Variants in PAK2 observed in about 807,000 individuals in gnomAD.
The protein encoded by PAK2 is serine/threonine-protein kinase PAK 2.
PAK2 carries 21 observed loss-of-function variants against 65.9 expected under a neutral mutation model. The ratio of observed to expected loss-of-function variants is 0.32; its 90% CI spans 0.23 to 0.46. PAK2 has a LOEUF of 0.46. Ranked by LOEUF, PAK2 falls within the 20% of genes least tolerant of loss-of-function variation. The pLI, the probability that PAK2 is intolerant of heterozygous loss-of-function variation, is 1.00. For missense variants in PAK2, 324 were observed against 642.6 expected (o/e 0.50, Z 5.36); for synonymous variants, 204 against 219.7 (o/e 0.93, Z 0.63).
chr3:196,810,787 T>G lies in PAK2; in HGVS notation c.773+134T>G. 7.0e-6 allele frequency: 4 copies of G among 569,662 alleles called. No homozygotes were observed. In the South Asian group the frequency reaches 9.7e-5, roughly 14 times the overall value. The allele number at this position is 569,662 out of a possible 1,614,324, so 35.3% of individuals were successfully genotyped here. On this transcript the variant is annotated intron_variant, in intron 8 of 14. Transcript: ENST00000327134. ...GTGAGTGGTACCCTTGGGGGATTTG[T>G]GTAAATAAATAATGCAGTTATTTGT...
chr3:196,759,489 GTTTTTTTTGTTTTT>G (rs1713877993), intron 1 of PAK2, among the ~76,000 whole-genome samples: 1 of 98,852 alleles, frequency 1.0e-5, no homozygotes, highest in African/African-American at 4.3e-5. Context: ...CAGTTAAGTG[GTTTTTTTTGTTTTT>G]TTTTTTTTTT....
intron 7 of PAK2, 122 bp from the exon 8 acceptor site, chr3:196,810,467 AC>A (rs1347063986): frequency 6.6e-5 from 45 of 679,620 alleles, no homozygotes; most frequent in Non-Finnish European, 1.1e-4. Flanking sequence ...TATTTTTGGA[AC>A]TTAGTATTAT....
At position 196,814,582 on chromosome 3, in the gene PAK2, CT is replaced by C; in HGVS notation, c.1053+16del. On this transcript the variant is annotated intron_variant, in intron 11 of 14. Coordinates refer to ENST00000327134, the MANE Select transcript of PAK2 (RefSeq NM_002577.4). Reference sequence around the variant, plus strand: ...GTATGCAGAGAGGTAGGTTTGCCTCCTTCTTGATATGTTATGGTGATATGTG... The same window carrying C: ...GTATGCAGAGAGGTAGGTTTGCCTCCTCTTGATATGTTATGGTGATATGTG... 1 of 1,009,312 alleles carries C rather than the reference CT, an allele frequency of 9.9e-7. No individual in the cohort carries two copies. The allele number at this position is 1,009,312 out of a possible 1,614,324, so 62.5% of individuals were successfully genotyped here. A position where few individuals can be genotyped will look rare whatever the true frequency, so the allele number is the denominator to read the frequency against.
intron 1 of PAK2, among the ~76,000 whole-genome samples, chr3:196,764,737 TC>T (rs1402023777): frequency 6.6e-6 from 1 of 151,978 alleles, no homozygotes; most frequent in Non-Finnish European, 1.5e-5. Flanking sequence ...CAGGCTGGTC[TC>T]TAACTAGTGG....
At chr3:196,759,846 G>A (rs1220843374) in intron 1 of PAK2, among the ~76,000 whole-genome samples, 1 of 151,956 alleles carries the variant, frequency 6.6e-6, no homozygotes, top group Non-Finnish European at 1.5e-5. Context: ...TTTTTTAAGT[G>A]TGCTCACAAA....
chr3:196,790,015 C>T (rs190271707), intron 2 of PAK2, among the ~76,000 whole-genome samples: 3 of 152,288 alleles, frequency 2.0e-5, no homozygotes, highest in East Asian at 1.9e-4. Context: ...AGTTCCTAAC[C>T]GGCCATGGAC....
chr3:196,769,062 C>T (rs1435330481), intron 1 of PAK2, among the ~76,000 whole-genome samples: 1 of 152,040 alleles, frequency 6.6e-6, no homozygotes, highest in Non-Finnish European at 1.5e-5. Context: ...CACTGTAGTG[C>T]ACACCTATAA....
At chr3:196,764,445 G>A (rs565133276) in intron 1 of PAK2, among the ~76,000 whole-genome samples, 4 of 151,428 alleles carry the variant, frequency 2.6e-5, no homozygotes, top group Admixed American at 2.6e-4. Flanking sequence ...GTGTGAAGCC[G>A]CATCTCTACT....
intron 1 of PAK2, among the ~76,000 whole-genome samples, chr3:196,742,099 CTTTT>C (rs60738699): frequency 7.8e-6 from 1 of 128,996 alleles, no homozygotes. Flanking sequence ...ATTAATATTT[CTTTT>C]TTTTTTTTTT....
rs751177539 is a variant in PAK2, at chr3:196,810,553, A to G, written c.710-37A>G. 69 of 1,146,752 alleles carry G rather than the reference A, an allele frequency of 6.0e-5. 1 individual carries two copies. In the Admixed American group the frequency reaches 1.1e-3, roughly 19 times the overall value. The allele number at this position is 1,146,752 out of a possible 1,614,324, so 71.0% of individuals were successfully genotyped here. A position where few individuals can be genotyped will look rare whatever the true frequency, so the allele number is the denominator to read the frequency against. The stretch of plus-strand genomic sequence containing the variant: ...ATATCACAATCAATTTACACTTAAA[A>G]TGCTTGACTGAGCTTCCAGCTTTTT... On this transcript the variant is annotated intron_variant, in intron 7 of 14. Transcript: ENST00000327134.
chr3:196,767,230 G>A (rs1714198571), intron 1 of PAK2, among the ~76,000 whole-genome samples: 1 of 152,048 alleles, frequency 6.6e-6, no homozygotes, highest in African/African-American at 2.4e-5. Flanking sequence ...TACAGTGACA[G>A]CCTAGTGCAT....
intron 1 of PAK2, among the ~76,000 whole-genome samples, chr3:196,778,368 C>T (rs546426594): frequency 3.3e-5 from 5 of 152,302 alleles, no homozygotes; most frequent in African/African-American, 1.2e-4. Flanking sequence ...AAAGTTTTTG[C>T]GTGAACATGT....
intron 8 of PAK2, 99 bp from the exon 9 acceptor site, chr3:196,812,120 T>C (rs1715848061): frequency 1.3e-6 from 1 of 768,096 alleles, no homozygotes; most frequent in East Asian, 2.5e-5. Flanking sequence ...ATCCTGTTCT[T>C]TAATTCTTTT....
intron 13 of PAK2, among the ~76,000 whole-genome samples, chr3:196,825,315 C>T (rs1003199888): frequency 4.6e-5 from 7 of 151,676 alleles, no homozygotes; most frequent in East Asian, 1.9e-4. Context: ...CACTGCATTC[C>T]AGCCTGGGCA....
intron 1 of PAK2, among the ~76,000 whole-genome samples, 174 bp from the exon 2 acceptor site, chr3:196,782,452 G>A (rs1261139896): frequency 1.3e-5 from 2 of 152,136 alleles, no homozygotes; most frequent in Non-Finnish European, 2.9e-5. Context: ...TTTGTTGGGG[G>A]TAAACTCAAG....
At chr3:196,751,695 AATTCAGGC>A (rs1560089854) in intron 1 of PAK2, among the ~76,000 whole-genome samples, 50 of 65,254 alleles carry the variant, frequency 7.7e-4, no homozygotes, top group South Asian at 8.6e-4. Context: ...ATATATATAT[AATTCAGGC>A]TATATATAAA....
chr3:196,756,039 C>T (rs1279845605), intron 1 of PAK2, among the ~76,000 whole-genome samples: 1 of 152,186 alleles, frequency 6.6e-6, no homozygotes, highest in Non-Finnish European at 1.5e-5. Context: ...CAGGTGTGAG[C>T]CACCGCACCC....
At position 196,815,233 on chromosome 3, in the gene PAK2, G is replaced by A. The variant is rs1715971438; in HGVS notation, c.1053+665G>A. Among the ~76,000 whole-genome samples the A allele has an allele frequency of 2.0e-5, 3 of 151,774 alleles. No individual in the cohort carries two copies. The South Asian group carries it at 6.2e-4, about 31-fold the overall frequency. ...TAGCTGGAAGTGGTGGCTCATGCCT[G>A]TAATCCTAGCACTTTGGGAGGCCAA... On this transcript the variant is annotated intron_variant, in intron 11 of 14. Transcript: ENST00000327134.
Position 196,820,235 on chromosome 3 carries a change from G to T in PAK2, c.1154-136G>T. The T allele has an allele frequency of 2.4e-6, 1 of 423,444 alleles. No individual in the cohort carries two copies. The highest frequency in any genetic ancestry group is 4.1e-6 in the Non-Finnish European group (1 of 243,258). 26.2% of individuals were successfully genotyped at this position (423,444 alleles called of 1,614,324 possible). A position where few individuals can be genotyped will look rare whatever the true frequency, so the allele number is the denominator to read the frequency against. On this transcript the variant is annotated intron_variant, in intron 12 of 14. Coordinates refer to ENST00000327134, the MANE Select transcript of PAK2 (RefSeq NM_002577.4). The surrounding 1 kb of genome is among the most constrained non-coding windows in gnomAD (Gnocchi z 4.6). ...ATGAAAATATTTTTAAACTCATTCT[G>T]GTTTACTTTATTAATGAAATCTTTA...
Sources: gnomAD v4.1 joint callset for allele counts (sites outside exome capture counted in the v4.1 genomes callset) on GRCh38, gnomAD v4.1.1 for gene constraint, Gnocchi (gnomAD v3.1) non-coding constraint, MANE v1.5 for transcripts, NCBI Gene and HGNC (gene_info 2026-07-23, HGNC 2026-07-21) for gene names.